Variants in KIF6 observed in about 807,000 individuals in gnomAD.
The protein encoded by KIF6 is kinesin family member 6.
Under a neutral mutation model 112.7 loss-of-function variants are expected in KIF6, and 106 were observed. That is an observed-to-expected ratio of 0.94 (90% CI 0.80 to 1.11). The LOEUF (loss-of-function observed/expected upper bound fraction) is 1.11. KIF6 is among the 50% of genes least tolerant of loss of function. The pLI, the probability that KIF6 is intolerant of heterozygous loss-of-function variation, is 0.00. For synonymous variants in KIF6, 339 were observed against 339.9 expected (o/e 1.00, Z 0.03); for missense variants, 929 against 964.0 (o/e 0.96, Z 0.48).
rs1021560873 is a variant in KIF6 at position 39,333,987 on chromosome 6, G to A, written c.*2545C>T. ...TGCATCAATTTCTCCCATTTGCAGA[G>A]GCCAGTGAACTCTGGGAAGGTGCAC... On this transcript the variant is annotated 3_prime_UTR_variant, in exon 23 of 23. Coordinates refer to ENST00000287152, the MANE Select transcript of KIF6 (RefSeq NM_145027.6). The A allele has an allele frequency of 2.0e-5, 3 of 152,244 alleles. No individual in the cohort carries two copies. The highest frequency in any genetic ancestry group is 7.2e-5 in the African/African-American group (3 of 41,458). 9.4% of individuals were successfully genotyped at this position (152,244 alleles called of 1,614,324 possible).
chr6:39,504,194 G>C (rs1776306764), intron 13 of KIF6, among the ~76,000 whole-genome samples: 1 of 152,202 alleles, frequency 6.6e-6, no homozygotes, highest in South Asian at 2.1e-4. Flanking sequence ...ATGCAAGGCT[G>C]ATTCAACAAA....
intron 13 of KIF6, among the ~76,000 whole-genome samples, chr6:39,525,143 A>C (rs1416599235): frequency 6.6e-6 from 1 of 152,046 alleles, no homozygotes; most frequent in East Asian, 1.9e-4. Context: ...CCCTCTCCCC[A>C]GAATTTTTTT....
Position 39,357,609 on chromosome 6 carries a change from C to T in KIF6, c.2083-235G>A, listed in dbSNP as rs144423110. 9.5e-3 allele frequency among the ~76,000 whole-genome samples: 1,450 copies of T among 152,148 alleles called. 24 individuals carry two copies. The highest frequency in any genetic ancestry group is 0.034 in the African/African-American group (1,392 of 41,500). ...GATTATAGGCACCCGCCATCATGCC[C>T]GGCAAATTTTTGTATTTATAGTAGA... On this transcript the variant is annotated intron_variant, in intron 18 of 22. Transcript: ENST00000287152.
intron 13 of KIF6, among the ~76,000 whole-genome samples, chr6:39,503,835 C>A (rs1321121996): frequency 1.4e-5 from 2 of 146,556 alleles, no homozygotes; most frequent in African/African-American, 2.5e-5. Context: ...CAGTAATAGC[C>A]TACCAACCAA....
chr6:39,346,998 T>A (rs576741457), intron 19 of KIF6, among the ~76,000 whole-genome samples: 258 of 152,336 alleles, frequency 1.7e-3, no homozygotes, highest in Non-Finnish European at 2.8e-3. Context: ...CTGTAGCAGC[T>A]GAACAACAAA....
intron 10 of KIF6, among the ~76,000 whole-genome samples, chr6:39,567,433 C>G (rs1186132769): frequency 6.6e-6 from 1 of 152,304 alleles, no homozygotes; most frequent in East Asian, 1.9e-4. Flanking sequence ...AGCCTCTTAA[C>G]TCTCAGTCTA....
intron 12 of KIF6, among the ~76,000 whole-genome samples, chr6:39,543,505 A>G (rs990205838): frequency 6.6e-6 from 1 of 152,130 alleles, no homozygotes; most frequent in Non-Finnish European, 1.5e-5. Context: ...ATCAGGCAAC[A>G]TGTCTACCTC....
chr6:39,588,377 C>A (rs1781751529), intron 7 of KIF6, among the ~76,000 whole-genome samples: 1 of 151,964 alleles, frequency 6.6e-6, no homozygotes, highest in African/African-American at 2.4e-5. Flanking sequence ...CCACACCCAG[C>A]TAATTTTTTG....
intron 22 of KIF6, among the ~76,000 whole-genome samples, chr6:39,338,889 A>G (rs1763167024): frequency 7.9e-6 from 1 of 127,172 alleles, no homozygotes; most frequent in East Asian, 2.6e-4. Flanking sequence ...AGTCTGAGCC[A>G]TCTCCCACCC....
chr6:39,535,806 G>C (rs1475529731), intron 13 of KIF6, among the ~76,000 whole-genome samples: 4 of 151,870 alleles, frequency 2.6e-5, no homozygotes, highest in Non-Finnish European at 5.9e-5. Context: ...TGACCACATA[G>C]TTGGAAGTAA....
At chr6:39,715,821 T>C (rs2113882487) in intron 2 of KIF6, among the ~76,000 whole-genome samples, 1 of 152,300 alleles carries the variant, frequency 6.6e-6, no homozygotes, top group East Asian at 1.9e-4. Context: ...GACAGTAATA[T>C]TTACTGTTTA....
intron 13 of KIF6, among the ~76,000 whole-genome samples, chr6:39,497,309 C>A (rs2150485684): frequency 6.6e-6 from 1 of 152,338 alleles, no homozygotes; most frequent in Non-Finnish European, 1.5e-5. Flanking sequence ...AAAAACAGAT[C>A]TGTCAGCATG....
At chr6:39,394,018 G>T (rs566506349) in intron 15 of KIF6, among the ~76,000 whole-genome samples, 15 of 152,064 alleles carry the variant, frequency 9.9e-5, no homozygotes, top group African/African-American at 3.4e-4. Context: ...CTGTGTGTTT[G>T]TGTGTGTGTG....
chr6:39,404,422 GAA>G (rs34146792), intron 15 of KIF6, among the ~76,000 whole-genome samples: 1 of 151,694 alleles, frequency 6.6e-6, no homozygotes, highest in Admixed American at 6.6e-5. Context: ...ATTGCTTGTT[GAA>G]AAAAACCCTA....
intron 14 of KIF6, among the ~76,000 whole-genome samples, chr6:39,420,592 C>T (rs1396930149): frequency 6.6e-6 from 1 of 152,146 alleles, no homozygotes. Context: ...ATATTTTCTA[C>T]CTCACCCTTT....
intron 13 of KIF6, among the ~76,000 whole-genome samples, chr6:39,466,350 G>A (rs1268583423): frequency 6.6e-6 from 1 of 152,192 alleles, no homozygotes; most frequent in East Asian, 1.9e-4. Context: ...CAGAGATAAA[G>A]GAGTTGCTAT....
At chr6:39,455,836 A>T (rs1773056488) in intron 13 of KIF6, among the ~76,000 whole-genome samples, 1 of 145,814 alleles carries the variant, frequency 6.9e-6, no homozygotes, top group Non-Finnish European at 1.5e-5. Context: ...AATAAAAAGA[A>T]ATGAGCAAAG....
At chr6:39,370,332 T>C (rs1765872057) in intron 16 of KIF6, among the ~76,000 whole-genome samples, 1 of 152,208 alleles carries the variant, frequency 6.6e-6, no homozygotes, top group Non-Finnish European at 1.5e-5. Context: ...ATTCTTCCTA[T>C]GAAAACCTCT....
In KIF6 at chr6:39,673,275, A is replaced by C. The variant is rs373996079; in HGVS notation, c.252-33518T>G. Among the ~76,000 whole-genome samples the C allele has an allele frequency of 3.5e-4, 54 of 152,322 alleles. No individual in the cohort carries two copies. The South Asian group carries it at 9.3e-3, about 26-fold the overall frequency. ...AGACCTGGGCTATTTTTTAGCTTCT[A>C]TAATGGAAGCAGGCCCTACATCCTA... On this transcript the variant is annotated intron_variant, in intron 3 of 22. Coordinates refer to ENST00000287152, the MANE Select transcript of KIF6 (RefSeq NM_145027.6).
Sources: allele counts gnomAD v4.1 joint callset (sites outside exome capture counted in the v4.1 genomes callset), GRCh38; gene constraint gnomAD v4.1.1; transcripts MANE v1.5; gene names NCBI Gene and HGNC (gene_info 2026-07-23, HGNC 2026-07-21).